UBE2Z: variants seen among roughly 807,000 people sequenced by gnomAD.
The protein encoded by UBE2Z is ubiquitin conjugating enzyme E2 Z.
In UBE2Z, 10 loss-of-function variants were observed where a neutral mutation model predicts 32.6. That is an observed-to-expected ratio of 0.31 (90% CI 0.19 to 0.52). UBE2Z has a LOEUF of 0.52. UBE2Z is among the 20% of genes least tolerant of loss of function. The pLI, the probability that UBE2Z is intolerant of heterozygous loss-of-function variation, is 0.97. For synonymous variants in UBE2Z, 183 were observed against 190.8 expected, an observed-to-expected ratio of 0.96 and a Z score of 0.34; for missense variants, 343 against 480.9, an observed-to-expected ratio of 0.71 and a Z score of 2.68.
At chr17:48,911,532 A>G (rs1261217846) in intron 2 of UBE2Z, 3 of 152,268 alleles carry the variant, frequency 2.0e-5, no homozygotes, top group Admixed American at 2.0e-4. Flanking sequence ...GTTAGAAAGA[A>G]ATCATATTTC....
Position 48,921,208 on chromosome 17 carries a change from G to A in UBE2Z, c.739G>A (p.Glu247Lys), listed in dbSNP as rs1469331590. ...AAACTATAATGAATGTATCCGGCAC[G>A]AGACCATCAGAGTTGCAGTCTGTGA... ...SKNYNECIRH[E>K]TIRVAVCDMM... The change falls in exon 5 of 7, where the codon GAG becomes AAG. Residue 247 changes from glutamate (E) to lysine (K), a missense_variant. Glu to Lys is a moderately conservative substitution (Grantham distance 56). Coordinates refer to ENST00000360943, the MANE Select transcript of UBE2Z (RefSeq NM_023079.5). 2 of 1,612,810 alleles carry A rather than the reference G, an allele frequency of 1.2e-6. No homozygotes were observed. Among genetic ancestry groups the A allele is most frequent in the African/African-American group, 1.3e-5 (1 of 74,890 alleles).
intron 1 of UBE2Z, 131 bp downstream of exon 1, chr17:48,908,951 A>C: frequency 2.4e-5 from 13 of 530,934 alleles, no homozygotes; most frequent in Admixed American, 6.0e-5. Flanking sequence ...CCACGGCCCA[A>C]ATCTTGCCAG....
intron 6 of UBE2Z, among the ~76,000 whole-genome samples, chr17:48,923,844 C>G (rs1337355371): frequency 6.6e-6 from 1 of 151,980 alleles, no homozygotes; most frequent in Non-Finnish European, 1.5e-5. Flanking sequence ...GCAGTCCTCC[C>G]ACCTCAGCCT....
intron 1 of UBE2Z, among the ~76,000 whole-genome samples, chr17:48,909,446 G>T (rs1333989890): frequency 6.6e-6 from 1 of 151,164 alleles, no homozygotes; most frequent in Non-Finnish European, 1.5e-5. Flanking sequence ...CCACTCTTAC[G>T]CCTCTTCCAG....
chr17:48,917,862 C>CA (rs1436601116), intron 4 of UBE2Z, among the ~76,000 whole-genome samples: 4 of 152,196 alleles, frequency 2.6e-5, no homozygotes, highest in African/African-American at 9.7e-5. Context: ...CTGAATTACT[C>CA]ATGAGCACGG....
At chr17:48,913,804 A>G (rs2040698896) in intron 3 of UBE2Z, among the ~76,000 whole-genome samples, 1 of 152,158 alleles carries the variant, frequency 6.6e-6, no homozygotes, top group South Asian at 2.1e-4. Context: ...GGGTGTCTTA[A>G]TTTGAGTCTT....
At chr17:48,924,158 G>A (rs1396178908) in intron 6 of UBE2Z, among the ~76,000 whole-genome samples, 1 of 152,080 alleles carries the variant, frequency 6.6e-6, no homozygotes, top group African/African-American at 2.4e-5. Flanking sequence ...TTGTTTGGTT[G>A]TAGAGATAGG....
chr17:48,914,572 G>T (rs535141923), intron 3 of UBE2Z, among the ~76,000 whole-genome samples: 1 of 152,152 alleles, frequency 6.6e-6, no homozygotes, highest in Non-Finnish European at 1.5e-5. Context: ...AAATTTGTTC[G>T]CGAAAGCGTG....
chr17:48,912,073 TTTTA>T, intron 2 of UBE2Z: 1 of 150,290 alleles, frequency 6.7e-6, no homozygotes, highest in Non-Finnish European at 1.5e-5. Flanking sequence ...TTTTTTTTTT[TTTTA>T]AACAGTATTG....
chr17:48,915,961 A>C, intron 3 of UBE2Z, 115 bp from the exon 4 acceptor site: 2 of 553,888 alleles, frequency 3.6e-6, no homozygotes, highest in Non-Finnish European at 6.1e-6. Flanking sequence ...CCAGAGTATT[A>C]ATAGTGAAAG....
At chr17:48,924,961 A>G (rs1405176574) in intron 6 of UBE2Z, among the ~76,000 whole-genome samples, 3 of 151,842 alleles carry the variant, frequency 2.0e-5, no homozygotes, top group South Asian at 4.1e-4. Flanking sequence ...TGTTTGGATC[A>G]TCTTACTGGT....
chr17:48,915,480 A>T (rs2040712202), intron 3 of UBE2Z, among the ~76,000 whole-genome samples: 1 of 152,104 alleles, frequency 6.6e-6, no homozygotes, highest in African/African-American at 2.4e-5. Context: ...TTGGTATTTG[A>T]CGTTTTCCAT....
rs78792322 is a variant in UBE2Z, at chr17:48,916,217, G to A, written c.690+30G>A. The stretch of plus-strand genomic sequence containing the variant: ...GGCCAGATGGGCCTGGCTCTGGGGT[G>A]TAGACTATTGTTTTTGTTTGTTTGG... On this transcript the variant is annotated intron_variant, in intron 4 of 6. Transcript: ENST00000360943. 2,450 of 1,198,228 alleles carry A rather than the reference G, an allele frequency of 2.0e-3. 39 individuals are homozygous for A. The African/African-American group carries it at 0.035, about 17-fold the overall frequency. 74.2% of individuals were successfully genotyped at this position (1,198,228 alleles called of 1,614,324 possible).
chr17:48,921,173 G>A lies in UBE2Z; in HGVS notation c.704G>A (p.Gly235Glu). The change falls in exon 5 of 7, where the codon GGA becomes GAA. Residue 235 changes from glycine to glutamate, a missense_variant. This residue lies in a region of UBE2Z where 182 missense variants were observed against 312.4 expected (regional missense o/e 0.58). Coordinates refer to ENST00000360943, the MANE Select transcript of UBE2Z (RefSeq NM_023079.5). ...GTTACATTATAGGAGAGACATCCAGGAGACAGCAAAAACTATAATGAATGT... is the reference window on the plus strand; with the variant it reads ...GTTACATTATAGGAGAGACATCCAGAAGACAGCAAAAACTATAATGAATGT... ...EPGFEQERHPGDSKNYNECIR... is the reference protein window; with the variant it reads ...EPGFEQERHPEDSKNYNECIR... 1 of 1,611,024 alleles carries A rather than the reference G, an allele frequency of 6.2e-7. No individual in the cohort carries two copies. Among genetic ancestry groups the A allele is most frequent in the Non-Finnish European group, 8.5e-7 (1 of 1,178,576 alleles).
intron 6 of UBE2Z, 37 bp from the exon 7 acceptor site, chr17:48,926,927 C>T (rs1184552277): frequency 6.3e-7 from 1 of 1,593,024 alleles, no homozygotes; most frequent in South Asian, 1.1e-5. Flanking sequence ...GCCACCCAGA[C>T]TTGAATCTTC....
rs1305321033 is a variant in UBE2Z at position 48,911,129 on chromosome 17, A to T, written c.390+249A>T. The T allele has an allele frequency of 6.0e-6, 3 of 500,638 alleles. No individual in the cohort carries two copies. The South Asian group carries it at 7.8e-5, about 13-fold the overall frequency. The allele number at this position is 500,638 out of a possible 1,614,324, so 31.0% of individuals were successfully genotyped here. ...AATCCCAGTTCATGTCTGTTGTCGCAGCTTGACTATTTATAGGGCATTCTT... is the reference window on the plus strand; with the variant it reads ...AATCCCAGTTCATGTCTGTTGTCGCTGCTTGACTATTTATAGGGCATTCTT... On this transcript the variant is annotated intron_variant, in intron 2 of 6. Transcript: ENST00000360943.
In UBE2Z at chr17:48,921,163, A is replaced by G; in HGVS notation, c.694A>G (p.Arg232Gly). Residue 232 changes from arginine to glycine, a missense_variant, in exon 5 of 7, where the codon AGA becomes GGA. Arg to Gly is a moderately radical substitution (Grantham distance 125). This residue lies in a region of UBE2Z where 182 missense variants were observed against 312.4 expected (regional missense o/e 0.58). Transcript: ENST00000360943. Reference sequence around the variant, plus strand: ...TCTGGCATCTGTTACATTATAGGAGAGACATCCAGGAGACAGCAAAAACTA... The same window carrying G: ...TCTGGCATCTGTTACATTATAGGAGGGACATCCAGGAGACAGCAAAAACTA... ...YHNEPGFEQE[R>G]HPGDSKNYNE... The G allele has an allele frequency of 6.2e-7, 1 of 1,609,270 alleles. No homozygotes were observed. The highest frequency in any genetic ancestry group is 8.5e-7 in the Non-Finnish European group (1 of 1,177,698).
At chr17:48,916,017 G>C in intron 3 of UBE2Z, 59 bp from the exon 4 acceptor site, 1 of 1,195,968 alleles carries the variant, frequency 8.4e-7, no homozygotes. Flanking sequence ...CGGGCCCCAG[G>C]GTACTTGTTC....
Position 48,914,752 on chromosome 17 carries a change from C to T in UBE2Z, c.579-1324C>T, listed in dbSNP as rs112668519. Among the ~76,000 whole-genome samples, 1,300 of 152,220 alleles carry T rather than the reference C, an allele frequency of 8.5e-3. 22 individuals carry two copies. The highest frequency in any genetic ancestry group is 0.029 in the African/African-American group (1,222 of 41,530). On this transcript the variant is annotated intron_variant, in intron 3 of 6. Transcript: ENST00000360943. Reference sequence around the variant, plus strand: ...CAGAGTAGAAAATTTCAGCCGGGTGCGGTGGCTCACACCTGTAATCCCAGC... The same window carrying T: ...CAGAGTAGAAAATTTCAGCCGGGTGTGGTGGCTCACACCTGTAATCCCAGC...
Sources: allele counts gnomAD v4.1 joint callset (sites outside exome capture counted in the v4.1 genomes callset), GRCh38; gene constraint gnomAD v4.1.1; regional missense constraint gnomAD v4.1.1; transcripts MANE v1.5; gene names NCBI Gene and HGNC (gene_info 2026-07-23, HGNC 2026-07-21).